Variants in GLIPR2 observed in about 807,000 individuals in gnomAD.
GLIPR2 encodes the protein GLI pathogenesis related 2.
GLIPR2 carries 21 observed loss-of-function variants against 20.4 expected under a neutral mutation model. The observed-to-expected ratio is 1.03, with a 90% confidence interval of 0.73 to 1.48. The LOEUF is 1.48. Ranked by LOEUF, GLIPR2 falls within the 40% of genes most tolerant of loss-of-function variation. The probability of loss-of-function intolerance (pLI) is 0.00; values close to 1 mark genes in which losing one functional copy is unlikely to be tolerated. For missense variants in GLIPR2, 205 were observed against 200.1 expected (o/e 1.02, Z -0.15); for synonymous variants, 91 against 80.5 (o/e 1.13, Z -0.70).
chr9:36,154,798 A>G (rs2132766989), intron 4 of GLIPR2, among the ~76,000 whole-genome samples: 1 of 152,348 alleles, frequency 6.6e-6, no homozygotes, highest in African/African-American at 2.4e-5. Flanking sequence ...AAAGGCTGCC[A>G]CAGGCACTCG....
At chr9:36,136,670 CGGA>C (rs1824828147), upstream of GLIPR2, 1 of 832,968 alleles carries the variant, frequency 1.2e-6, no homozygotes, top group Admixed American at 4.5e-5. The surrounding 1 kb of genome is among the most constrained non-coding windows in gnomAD (Gnocchi z 4.3). Flanking sequence ...CGGGCGGCGC[CGGA>C]GGAGGGGCCG....
chr9:36,149,497 C>T lies in GLIPR2; in HGVS notation c.226+847C>T, dbSNP rs559170523. ...CCCTCCCTCCAAGGCCTTGCCCTCA[C>T]CCTGCAGGCTCCTTCCCAAGTCCAG... On this transcript the variant is annotated intron_variant, in intron 3 of 4. Transcript: ENST00000377960. 2.0e-5 allele frequency among the ~76,000 whole-genome samples: 3 copies of T among 152,330 alleles called. No homozygotes were observed. The South Asian group carries it at 6.2e-4, about 32-fold the overall frequency.
chr9:36,162,145 A>T, intron 4 of GLIPR2: 1 of 1,184,002 alleles, frequency 8.4e-7, no homozygotes, highest in South Asian at 1.5e-5. Context: ...ACTGCACTCC[A>T]GCCTGGGTTA....
chr9:36,136,692 G>A (rs910526141), upstream of GLIPR2: 276 of 1,010,296 alleles, frequency 2.7e-4, 1 homozygote, highest in Non-Finnish European at 3.3e-4. The surrounding 1 kb of genome is among the most constrained non-coding windows in gnomAD (Gnocchi z 4.3). Context: ...CGCGGCATCA[G>A]CCCGGTCCTG....
intron 4 of GLIPR2, among the ~76,000 whole-genome samples, chr9:36,159,980 A>G (rs1408952022): frequency 6.6e-6 from 1 of 152,190 alleles, no homozygotes; most frequent in Non-Finnish European, 1.5e-5. Flanking sequence ...AAATAAATAA[A>G]TAAAAGGGTG....
intron 4 of GLIPR2, among the ~76,000 whole-genome samples, chr9:36,157,469 C>T (rs908744327): frequency 1.3e-5 from 2 of 151,582 alleles, no homozygotes; most frequent in Non-Finnish European, 2.9e-5. Flanking sequence ...GCCTCAGCCT[C>T]CCAAGTAGCT....
In GLIPR2 at chr9:36,137,699, A is replaced by C. The variant is rs1039969553; in HGVS notation, c.13+908A>C. On this transcript the variant is annotated intron_variant, in intron 1 of 4. Transcript: ENST00000377960. ...CACCGGGTCCTCACCCCTGGCTGCC[A>C]GGGGCCGTGTTTATCTCAGCATTGC... is the stretch of plus-strand genomic sequence containing the variant. Among the ~76,000 whole-genome samples, 16 of 152,332 alleles carry C rather than the reference A, an allele frequency of 1.1e-4. No individual in the cohort carries two copies. The East Asian group carries it at 2.9e-3, about 28-fold the overall frequency.
intron 3 of GLIPR2, among the ~76,000 whole-genome samples, chr9:36,148,877 A>G (rs761488039): frequency 2.2e-4 from 34 of 152,172 alleles, no homozygotes; most frequent in Non-Finnish European, 4.4e-5. Flanking sequence ...GGACACAGAG[A>G]TGAGTCAGAC....
chr9:36,146,711 A>G (rs890072369), intron 1 of GLIPR2, among the ~76,000 whole-genome samples: 6 of 152,318 alleles, frequency 3.9e-5, no homozygotes, highest in East Asian at 3.9e-4. Flanking sequence ...AAAACATTCA[A>G]TCTTAAGGCT....
intron 1 of GLIPR2, among the ~76,000 whole-genome samples, chr9:36,145,232 C>G (rs1825271604): frequency 6.6e-6 from 1 of 152,278 alleles, no homozygotes; most frequent in Admixed American, 6.5e-5. Flanking sequence ...CTCCCAGATT[C>G]CTGAGTATGG....
At chr9:36,141,521 G>A (rs78973738) in intron 1 of GLIPR2, among the ~76,000 whole-genome samples, 2,187 of 152,280 alleles carry the variant, frequency 0.014, 51 homozygotes, top group African/African-American at 0.05. Context: ...CTTTCATGAG[G>A]AGCCTGGAGA....
intron 1 of GLIPR2, among the ~76,000 whole-genome samples, chr9:36,143,460 G>A (rs2132721150): frequency 6.6e-6 from 1 of 152,316 alleles, no homozygotes; most frequent in Admixed American, 6.5e-5. Context: ...ACCGTGGCCT[G>A]TCTGGGACAT....
At chr9:36,156,389 A>T (rs1383537662) in intron 4 of GLIPR2, among the ~76,000 whole-genome samples, 32 of 80,262 alleles carry the variant, frequency 4.0e-4, no homozygotes, top group African/African-American at 1.8e-3. Context: ...CATGTCTAAA[A>T]AAAAAAAAAA....
intron 1 of GLIPR2, among the ~76,000 whole-genome samples, chr9:36,142,332 G>T (rs1254004986): frequency 6.6e-6 from 1 of 152,130 alleles, no homozygotes; most frequent in African/African-American, 2.4e-5. Context: ...AGGGGTGGGG[G>T]CTTAGGACAG....
chr9:36,142,780 G>A (rs1825145532), intron 1 of GLIPR2, among the ~76,000 whole-genome samples: 1 of 152,038 alleles, frequency 6.6e-6, no homozygotes, highest in Admixed American at 6.6e-5. Context: ...GCTAGGTGTG[G>A]CAGCTACTGA....
upstream of GLIPR2, chr9:36,136,589 C>T: frequency 2.7e-6 from 1 of 371,058 alleles, no homozygotes; most frequent in Non-Finnish European, 4.7e-6. The surrounding 1 kb of genome is among the most constrained non-coding windows in gnomAD (Gnocchi z 4.3). Context: ...CAGGGGTGAG[C>T]TCTCCGGGAG....
chr9:36,141,587 G>A (rs1224857326), intron 1 of GLIPR2, among the ~76,000 whole-genome samples: 1 of 152,174 alleles, frequency 6.6e-6, no homozygotes, highest in Admixed American at 6.5e-5. Context: ...GGAAGATGCT[G>A]AGGGAAGAGC....
chr9:36,157,715 T>C (rs140762996), intron 4 of GLIPR2, among the ~76,000 whole-genome samples: 95 of 92,416 alleles, frequency 1.0e-3, no homozygotes, highest in African/African-American at 2.3e-3. Flanking sequence ...CACACACACA[T>C]ATATATATAC....
At chr9:36,151,090 C>G (rs1484694169) in intron 4 of GLIPR2, 141 bp downstream of exon 4, 4 of 666,164 alleles carry the variant, frequency 6.0e-6, no homozygotes, top group Non-Finnish European at 1.1e-5. Context: ...CTGGCTTGAC[C>G]TTGACCACAG....
Sources: gnomAD v4.1 joint callset for allele counts (sites outside exome capture counted in the v4.1 genomes callset) on GRCh38, gnomAD v4.1.1 for gene constraint, Gnocchi (gnomAD v3.1) non-coding constraint, MANE v1.5 for transcripts, NCBI Gene and HGNC (gene_info 2026-07-23, HGNC 2026-07-21) for gene names.